The following FUT4 variants were observed in gnomAD, a reference collection of about 807,000 sequenced individuals.
FUT4 encodes alpha-(1,3)-fucosyltransferase 4.
A neutral mutation model predicts 3.8 loss-of-function variants in FUT4; 1 was observed. The observed-to-expected ratio is 0.26, with a 90% confidence interval of 0.09 to 1.25. The LOEUF (loss-of-function observed/expected upper bound fraction) is 1.25, where lower values mean the gene tolerates loss of function less well. FUT4 is among the 50% of genes most tolerant of loss of function. The probability of loss-of-function intolerance (pLI) is 0.47; values close to 1 mark genes in which losing one functional copy is unlikely to be tolerated. For missense variants in FUT4, 880 were observed against 768.2 expected, an observed-to-expected ratio of 1.15 and a Z score of -1.72; for synonymous variants, 417 against 355.3, an observed-to-expected ratio of 1.17 and a Z score of -1.95.
chr11:94,545,850 T>C lies in FUT4; in HGVS notation c.*124T>C. 2 of 1,234,426 alleles carry C rather than the reference T, an allele frequency of 1.6e-6. No individual in the cohort carries two copies. Among genetic ancestry groups the C allele is most frequent in the Non-Finnish European group, 2.3e-6 (2 of 858,834 alleles). The allele number at this position is 1,234,426 out of a possible 1,614,324, so 76.5% of individuals were successfully genotyped here. A position where few individuals can be genotyped will look rare whatever the true frequency, so the allele number is the denominator to read the frequency against. ...TCTTCAAACACCCATTTTTGCTCTA[T>C]GGGAAAAAAACGATTTACCAATTAA... On this transcript the variant is annotated 3_prime_UTR_variant, in exon 1 of 1. Transcript: ENST00000358752.
In FUT4 at chr11:94,545,115, G is replaced by A; in HGVS notation, c.982G>A (p.Val328Met). 6.2e-7 allele frequency: 1 copy of A among 1,612,578 alleles called. No homozygotes were observed. ...LSYRADSDVF[V>M]PYGYLYPRSH... ...CTACCGGGCGGACTCGGACGTCTTT[G>A]TGCCTTATGGCTACCTCTACCCCAG... Residue 328 changes from valine (V) to methionine (M), a missense_variant, in exon 1 of 1, where the codon GTG becomes ATG. Val to Met is a conservative substitution (Grantham distance 21). Coordinates refer to ENST00000358752, the MANE Select transcript of FUT4 (RefSeq NM_002033.4).
In FUT4 at chr11:94,544,409, G is replaced by T. The variant is rs757136703; in HGVS notation, c.276G>T (p.Arg92=). 4 of 1,528,912 alleles carry T rather than the reference G, an allele frequency of 2.6e-6. No individual in the cohort carries two copies. In the East Asian group the frequency reaches 7.7e-5, roughly 29 times the overall value. The allele number at this position is 1,528,912 out of a possible 1,614,324, so 94.7% of individuals were successfully genotyped here. A position where few individuals can be genotyped will look rare whatever the true frequency, so the allele number is the denominator to read the frequency against. ...TCCATTCCCGGGCCAGCGGCGAGCG[G>T]CAGCGACGGCTGGAGCCGCAGCTAC... ...APFHSRASGE[R]QRRLEPQLQH... is the part of the protein sequence containing the mutation. The change falls in exon 1 of 1, where the codon CGG becomes CGT. Residue 92 remains arginine, a synonymous_variant. Transcript: ENST00000358752.
Position 94,544,471 on chromosome 11 carries a change from A to C in FUT4, c.338A>C (p.Asp113Ala), listed in dbSNP as rs1947834200. The change falls in exon 1 of 1, where the codon GAC (aspartate) becomes GCC (alanine). Residue 113 changes from aspartate (D) to alanine (A), a missense_variant. By Grantham distance (126) the Asp-to-Ala change is moderately radical (BLOSUM62 -2). Around this residue, in one of 3 missense-constraint regions of FUT4, gnomAD observed 447 missense variants for 339.5 expected, o/e 1.32. Transcript: ENST00000358752. The part of the protein sequence containing the change: ...ESRCRSSTPA[D>A]AWRAEAALPV... The stretch of plus-strand genomic sequence containing the variant: ...CGGTGCCGCTCCTCCACGCCTGCGG[A>C]CGCGTGGCGAGCGGAGGCAGCGCTG... 2.0e-6 allele frequency: 3 copies of C among 1,493,384 alleles called. No homozygotes were observed. Among genetic ancestry groups the C allele is most frequent in the Admixed American group, 2.2e-5 (1 of 46,356 alleles). The allele number at this position is 1,493,384 out of a possible 1,614,324, so 92.5% of individuals were successfully genotyped here.
rs1947851756 is a variant in FUT4, at chr11:94,545,555, C to T, written c.1422C>T (p.Phe474=). Residue 474 remains phenylalanine (F), a synonymous_variant, in exon 1 of 1, where the codon TTC becomes TTT. Transcript: ENST00000358752. ...SASSLASYLL[F]LDRNPAVYRR... is the part of the protein sequence containing the mutation. ...CCTCCCTGGCCTCGTACCTGCTTTT[C>T]CTCGACCGCAACCCCGCGGTCTATC... The T allele has an allele frequency of 6.2e-7, 1 of 1,613,682 alleles. No individual in the cohort carries two copies. Among genetic ancestry groups the T allele is most frequent in the Non-Finnish European group, 8.5e-7 (1 of 1,180,016 alleles).
At position 94,544,955 on chromosome 11, in the gene FUT4, G is replaced by A; in HGVS notation, c.822G>A (p.Ala274=). The part of the protein sequence containing the change: ...DLRVLDYEEA[A]AAAEALATSS... The stretch of plus-strand genomic sequence containing the variant: ...GCGTGTTGGACTACGAGGAGGCAGC[G>A]GCGGCGGCAGAAGCCCTGGCGACCT... Residue 274 remains alanine (A), a synonymous_variant, in exon 1 of 1, where the codon GCG becomes GCA. Transcript: ENST00000358752. 1.2e-6 allele frequency: 2 copies of A among 1,604,688 alleles called. No homozygotes were observed. The highest frequency in any genetic ancestry group is 1.7e-6 in the Non-Finnish European group (2 of 1,176,106).
rs1444478154 is a variant in FUT4 at position 94,549,226 on chromosome 11, T to C, written c.*3500T>C. 4 of 167,054 alleles carry C rather than the reference T, an allele frequency of 2.4e-5. No homozygotes were observed. The East Asian group carries it at 5.8e-4, about 24-fold the overall frequency. 10.3% of individuals were successfully genotyped at this position (167,054 alleles called of 1,614,324 possible). A position where few individuals can be genotyped will look rare whatever the true frequency, so the allele number is the denominator to read the frequency against. ...TTGCATATATAATTTATGGAGGTGT[T>C]GAGAGGATAGATTAGACACTTGAAG... On this transcript the variant is annotated 3_prime_UTR_variant, in exon 1 of 1. Transcript: ENST00000358752.
chr11:94,547,109 A>G lies in FUT4; in HGVS notation c.*1383A>G, dbSNP rs1282232008. The G allele has an allele frequency of 6.0e-6, 1 of 167,120 alleles. No homozygotes were observed. The highest frequency in any genetic ancestry group is 6.5e-5 in the Admixed American group (1 of 15,290). 10.4% of individuals were successfully genotyped at this position (167,120 alleles called of 1,614,324 possible). The stretch of plus-strand genomic sequence containing the variant: ...TTACTGAGTAAGCAGCATATTCAGC[A>G]GGTGCCACTACATGCCTACTCTGCC... On this transcript the variant is annotated 3_prime_UTR_variant, in exon 1 of 1. Transcript: ENST00000358752.
rs1201643661 is a variant in FUT4 at position 94,544,880 on chromosome 11, GC to G, written c.752del (p.Pro251ArgfsTer45). ...RDLVKGPPDW[P>X]PPWGIQAHTA... ...ACCTCGTGAAGGGGCCCCCCGACTG[GC>G]CCCCGCCCTGGGGCATCCAGGCGCA... On this transcript the variant is annotated frameshift_variant, in exon 1 of 1. Coordinates refer to ENST00000358752, the MANE Select transcript of FUT4 (RefSeq NM_002033.4). LOFTEE classifies it low-confidence loss of function (END_TRUNC). The G allele has an allele frequency of 6.2e-7, 1 of 1,609,072 alleles. No individual in the cohort carries two copies. Among genetic ancestry groups the G allele is most frequent in the Admixed American group, 1.7e-5 (1 of 59,940 alleles).
In FUT4 at chr11:94,544,056, C is replaced by A. The variant is rs1947825444; in HGVS notation, c.-78C>A. ...TCCCTCTGGAAGGCGAGGGTTCGGG[C>A]CACAGTGAGCGAGGGCCAGGGCGGT... is the stretch of plus-strand genomic sequence containing the variant. On this transcript the variant is annotated 5_prime_UTR_variant, in exon 1 of 1. Transcript: ENST00000358752. The A allele has an allele frequency of 5.2e-6, 7 of 1,349,828 alleles. No individual in the cohort carries two copies. In the South Asian group the frequency reaches 6.0e-5, roughly 12 times the overall value. The allele number at this position is 1,349,828 out of a possible 1,614,324, so 83.6% of individuals were successfully genotyped here.
At position 94,546,201 on chromosome 11, in the gene FUT4, GAC is replaced by G; in HGVS notation, c.*476_*477del. The G allele has an allele frequency of 3.1e-6, 1 of 325,414 alleles. No homozygotes were observed. Among genetic ancestry groups the G allele is most frequent in the Non-Finnish European group, 6.3e-6 (1 of 158,246 alleles). 20.2% of individuals were successfully genotyped at this position (325,414 alleles called of 1,614,324 possible). ...GAGCCTTGTTGGTGGAGAGTGGAAG[GAC>G]TGTGGCTGCAGGTGGGACTTTGTTG... is the stretch of plus-strand genomic sequence containing the variant. On this transcript the variant is annotated 3_prime_UTR_variant, in exon 1 of 1. Transcript: ENST00000358752.
Position 94,544,110 on chromosome 11 carries a change from T to G in FUT4, c.-24T>G. The G allele has an allele frequency of 7.3e-7, 1 of 1,379,166 alleles. No homozygotes were observed. Among genetic ancestry groups the G allele is most frequent in the Non-Finnish European group, 9.4e-7 (1 of 1,067,382 alleles). The allele number at this position is 1,379,166 out of a possible 1,614,324, so 85.4% of individuals were successfully genotyped here. A position where few individuals can be genotyped will look rare whatever the true frequency, so the allele number is the denominator to read the frequency against. ...CGCGCGCAGAGGGAAACCGGATCAG[T>G]TGAGAGAGAATCAAGAGTAGCGGAT... On this transcript the variant is annotated 5_prime_UTR_variant, in exon 1 of 1. Coordinates refer to ENST00000358752, the MANE Select transcript of FUT4 (RefSeq NM_002033.4).
Position 94,544,736 on chromosome 11 carries a change from C to T in FUT4, c.603C>T (p.Arg201=), listed in dbSNP as rs765055422. The change falls in exon 1 of 1, where the codon CGC becomes CGT. Residue 201 remains arginine, a synonymous_variant. Coordinates refer to ENST00000358752, the MANE Select transcript of FUT4 (RefSeq NM_002033.4). ...TGTGGTGGGAGCCCTTCGGGGGGCGCGATAGCGCCCCGAGGCCGCCCCCTG... is the reference window on the plus strand; with the variant it reads ...TGTGGTGGGAGCCCTTCGGGGGGCGTGATAGCGCCCCGAGGCCGCCCCCTG... ...VLLWWEPFGG[R]DSAPRPPPDC... is the part of the protein sequence containing the mutation. 1.4e-5 allele frequency: 22 copies of T among 1,559,362 alleles called. No homozygotes were observed. The highest frequency in any genetic ancestry group is 4.1e-5 in the African/African-American group (3 of 73,288).
rs1378676760 is a variant in FUT4, at chr11:94,544,918, A to C, written c.785A>C (p.Glu262Ala). 1 of 1,608,316 alleles carries C rather than the reference A, an allele frequency of 6.2e-7. No homozygotes were observed. Among genetic ancestry groups the C allele is most frequent in the Non-Finnish European group, 8.5e-7 (1 of 1,178,404 alleles). Reference protein sequence around the residue: ...PWGIQAHTAEEVDLRVLDYEE... With the variant: ...PWGIQAHTAEAVDLRVLDYEE... ...GGCATCCAGGCGCACACTGCCGAGG[A>C]GGTGGATCTGCGCGTGTTGGACTAC... The change falls in exon 1 of 1, where the codon GAG becomes GCG. Residue 262 changes from glutamate (E) to alanine (A), a missense_variant. Transcript: ENST00000358752.
rs376104557 is a variant in FUT4, at chr11:94,545,654, G to T, written c.1521G>T (p.Val507=). The T allele has an allele frequency of 1.9e-6, 3 of 1,612,620 alleles. No homozygotes were observed. In the African/African-American group the frequency reaches 4.0e-5, roughly 22 times the overall value. ...TSFWDEPWCR[V]CQAVQRAGDR... ...TCTGGGACGAGCCTTGGTGCCGGGT[G>T]TGCCAGGCTGTACAGAGGGCTGGGG... The change falls in exon 1 of 1, where the codon GTG becomes GTT. Residue 507 remains valine, a synonymous_variant. Transcript: ENST00000358752.
chr11:94,545,811 T>C lies in FUT4; in HGVS notation c.*85T>C. On this transcript the variant is annotated 3_prime_UTR_variant, in exon 1 of 1. Coordinates refer to ENST00000358752, the MANE Select transcript of FUT4 (RefSeq NM_002033.4). ...ACTGTGCATCTCCTTGACTGCCGCA[T>C]CATGGGAGTAAGTTCTTCAAACACC... is the stretch of plus-strand genomic sequence containing the variant. The C allele has an allele frequency of 1.4e-6, 2 of 1,463,318 alleles. No individual in the cohort carries two copies. Among genetic ancestry groups the C allele is most frequent in the Non-Finnish European group, 1.9e-6 (2 of 1,066,864 alleles). The allele number at this position is 1,463,318 out of a possible 1,614,324, so 90.6% of individuals were successfully genotyped here.
In FUT4 at chr11:94,544,393, G is replaced by A. The variant is rs759838745; in HGVS notation, c.260G>A (p.Arg87Gln). Residue 87 changes from arginine to glutamine, a missense_variant, in exon 1 of 1, where the codon CGG (arginine) becomes CAG (glutamine). Physicochemically the swap from Arg to Gln is conservative, Grantham distance 43 (BLOSUM62 1). Around this residue, in one of 3 missense-constraint regions of FUT4, gnomAD observed 447 missense variants for 339.5 expected, o/e 1.32. Coordinates refer to ENST00000358752, the MANE Select transcript of FUT4 (RefSeq NM_002033.4). ...LHSGTAPFHS[R>Q]ASGERQRRLE... is the part of the protein sequence containing the mutation. ...TCTGGGACCGCCCCCTTCCATTCCC[G>A]GGCCAGCGGCGAGCGGCAGCGACGG... The A allele has an allele frequency of 3.9e-6, 6 of 1,537,036 alleles. No individual in the cohort carries two copies. The highest frequency in any genetic ancestry group is 1.2e-5 in the South Asian group (1 of 84,554).
chr11:94,544,015 G>A lies in FUT4; in HGVS notation c.-119G>A. The A allele has an allele frequency of 7.6e-7, 1 of 1,307,756 alleles. No individual in the cohort carries two copies. The allele number at this position is 1,307,756 out of a possible 1,614,324, so 81.0% of individuals were successfully genotyped here. A position where few individuals can be genotyped will look rare whatever the true frequency, so the allele number is the denominator to read the frequency against. On this transcript the variant is annotated 5_prime_UTR_variant, in exon 1 of 1. Transcript: ENST00000358752. ...GTCTCGAGCCTCCTGTACCTTCCCA[G>A]GGATGAACCGGGCCTTCCCTCTGGA...
chr11:94,545,750 C>A lies in FUT4; in HGVS notation c.*24C>A. 1 of 1,594,022 alleles carries A rather than the reference C, an allele frequency of 6.3e-7. No homozygotes were observed. Among genetic ancestry groups the A allele is most frequent in the Non-Finnish European group, 8.5e-7 (1 of 1,170,846 alleles). On this transcript the variant is annotated 3_prime_UTR_variant, in exon 1 of 1. Coordinates refer to ENST00000358752, the MANE Select transcript of FUT4 (RefSeq NM_002033.4). ...GAAGCCGCGCTCCCCTGGAAGCGAC[C>A]CAGGGGAGGCCAAGTTGTCAGCTTT...
In FUT4 at chr11:94,544,275, C is replaced by T. The variant is rs1315299511; in HGVS notation, c.142C>T (p.Pro48Ser). ...CAGTGGAAGAAAGGGACGGGCGGTG[C>T]CCGGTTGGGCGTCCTGGCCAGCTCA... is the stretch of plus-strand genomic sequence containing the variant. Reference protein sequence around the residue: ...GRSGRKGRAVPGWASWPAHLA... With the variant: ...GRSGRKGRAVSGWASWPAHLA... The change falls in exon 1 of 1, where the codon CCC (proline) becomes TCC (serine). Residue 48 changes from proline (P) to serine (S), a missense_variant. Pro to Ser is a moderately conservative substitution (Grantham distance 74). Around this residue, in one of 3 missense-constraint regions of FUT4, gnomAD observed 447 missense variants for 339.5 expected, o/e 1.32. Coordinates refer to ENST00000358752, the MANE Select transcript of FUT4 (RefSeq NM_002033.4). The T allele has an allele frequency of 3.2e-6, 5 of 1,547,160 alleles. No homozygotes were observed. In the South Asian group the frequency reaches 4.7e-5, roughly 15 times the overall value.
Sources: gnomAD v4.1 joint callset for allele counts on GRCh38, gnomAD v4.1.1 for gene constraint, gnomAD v4.1.1 regional missense constraint, MANE v1.5 for transcripts, NCBI Gene and HGNC (gene_info 2026-07-23, HGNC 2026-07-21) for gene names.